Variants in SNTG2 observed in about 807,000 individuals in gnomAD.
SNTG2 encodes gamma-2-syntrophin.
Under a neutral mutation model 70.9 loss-of-function variants are expected in SNTG2, and 74 were observed. The observed-to-expected ratio is 1.04, with a 90% confidence interval of 0.86 to 1.27. The LOEUF (loss-of-function observed/expected upper bound fraction) is 1.27. Ranked by LOEUF, SNTG2 falls within the 50% of genes most tolerant of loss-of-function variation. The pLI, the probability that SNTG2 is intolerant of heterozygous loss-of-function variation, is 0.00. For synonymous variants in SNTG2, 278 were observed against 273.8 expected (o/e 1.02, Z -0.15); for missense variants, 717 against 690.7 (o/e 1.04, Z -0.43).
intron 2 of SNTG2, among the ~76,000 whole-genome samples, chr2:1,084,254 G>A (rs1185519013): frequency 6.6e-6 from 1 of 152,098 alleles, no homozygotes; most frequent in Non-Finnish European, 1.5e-5. Context: ...AATGAAGGGG[G>A]CATTTCCCCC....
At chr2:1,152,041 A>G (rs1349361295) in intron 6 of SNTG2, among the ~76,000 whole-genome samples, 2 of 152,220 alleles carry the variant, frequency 1.3e-5, no homozygotes, top group Non-Finnish European at 2.9e-5. Context: ...TTTGCTAACC[A>G]CATAATAGAA....
chr2:1,297,697 A>G (rs1415431409), intron 14 of SNTG2, among the ~76,000 whole-genome samples: 1 of 152,208 alleles, frequency 6.6e-6, no homozygotes, highest in African/African-American at 2.4e-5. Flanking sequence ...GGAAGCATCA[A>G]GTGACAGGAA....
chr2:1,198,449 GACAC>G (rs1673065178), intron 8 of SNTG2, among the ~76,000 whole-genome samples: 2 of 151,018 alleles, frequency 1.3e-5, no homozygotes, highest in Non-Finnish European at 3.0e-5. Context: ...ACAAATAAGA[GACAC>G]ACATCGAAAA....
chr2:1,164,066 C>G lies in SNTG2; in HGVS notation c.412-1482C>G, dbSNP rs544880073. ...GACTGAAGAAATGAGGAGGAAAGAT[C>G]AGAGGGAGCGATGAAGTGGGGCAGG... On this transcript the variant is annotated intron_variant, in intron 6 of 16. Coordinates refer to ENST00000308624, the MANE Select transcript of SNTG2 (RefSeq NM_018968.4). 9.2e-5 allele frequency among the ~76,000 whole-genome samples: 14 copies of G among 152,266 alleles called. No homozygotes were observed. In the South Asian group the frequency reaches 2.7e-3, roughly 29 times the overall value.
At chr2:1,234,822 G>A (rs1032715737) in intron 9 of SNTG2, among the ~76,000 whole-genome samples, 3 of 152,262 alleles carry the variant, frequency 2.0e-5, no homozygotes, top group African/African-American at 4.8e-5. Context: ...CATCAATGAT[G>A]GTGTAAACCT....
At chr2:1,253,965 G>C (rs1021473674) in intron 12 of SNTG2, among the ~76,000 whole-genome samples, 1 of 152,076 alleles carries the variant, frequency 6.6e-6, no homozygotes, top group African/African-American at 2.4e-5. Context: ...GGGAGAAGAT[G>C]CCACACACTT....
At chr2:1,255,056 G>A (rs1021551511) in intron 12 of SNTG2, among the ~76,000 whole-genome samples, 3 of 152,226 alleles carry the variant, frequency 2.0e-5, no homozygotes, top group Non-Finnish European at 2.9e-5. Flanking sequence ...TAAGAGGTGC[G>A]GTCCTGGAAA....
chr2:1,319,424 A>G (rs1238833450), intron 16 of SNTG2, among the ~76,000 whole-genome samples: 1 of 152,188 alleles, frequency 6.6e-6, no homozygotes, highest in Non-Finnish European at 1.5e-5. Flanking sequence ...GGGCACATAA[A>G]TATGTCCCAA....
At chr2:957,619 C>T (rs565540170) in intron 1 of SNTG2, among the ~76,000 whole-genome samples, 9 of 152,042 alleles carry the variant, frequency 5.9e-5, no homozygotes, top group East Asian at 1.9e-4. Flanking sequence ...CAAGCAGACA[C>T]GAAACAGCAC....
intron 15 of SNTG2, among the ~76,000 whole-genome samples, chr2:1,315,966 G>T (rs1472912462): frequency 1.3e-5 from 2 of 152,158 alleles, no homozygotes; most frequent in African/African-American, 2.4e-5. Flanking sequence ...GACCAGAGGG[G>T]TCGACTGCAG....
intron 8 of SNTG2, among the ~76,000 whole-genome samples, chr2:1,199,845 A>G (rs941692512): frequency 2.6e-5 from 4 of 152,088 alleles, no homozygotes; most frequent in African/African-American, 9.6e-5. Flanking sequence ...ACTACAAAAC[A>G]TTGTTGAAAG....
intron 9 of SNTG2, among the ~76,000 whole-genome samples, chr2:1,220,839 G>A (rs1012501308): frequency 3.9e-5 from 6 of 152,290 alleles, no homozygotes; most frequent in Admixed American, 2.6e-4. Context: ...GGTGTCTTCC[G>A]TGGTGCCCAG....
intron 1 of SNTG2, among the ~76,000 whole-genome samples, chr2:1,074,207 C>A (rs1358150844): frequency 6.6e-6 from 1 of 152,198 alleles, no homozygotes; most frequent in Non-Finnish European, 1.5e-5. Flanking sequence ...CATGTGTGAC[C>A]CTCGTCTGCC....
chr2:956,268 C>CG (rs1392284562), intron 1 of SNTG2, among the ~76,000 whole-genome samples: 1 of 145,906 alleles, frequency 6.9e-6, no homozygotes, highest in Non-Finnish European at 1.5e-5. Context: ...CCTCCCCCTG[C>CG]CCTGCCCCTG....
At chr2:1,165,955 T>A (rs77512713) in intron 7 of SNTG2, among the ~76,000 whole-genome samples, 5,176 of 152,196 alleles carry the variant, frequency 0.034, 293 homozygotes, top group African/African-American at 0.12. Flanking sequence ...AGAAGCAAAG[T>A]TTACACGTAA....
intron 12 of SNTG2, among the ~76,000 whole-genome samples, chr2:1,255,074 AAACT>A (rs1379767839): frequency 6.6e-6 from 1 of 152,174 alleles, no homozygotes; most frequent in African/African-American, 2.4e-5. Flanking sequence ...AAAATCGTGT[AAACT>A]AAGCCATGAT....
At chr2:1,120,330 TTATC>T (rs574340764) in intron 4 of SNTG2, among the ~76,000 whole-genome samples, 165 of 152,298 alleles carry the variant, frequency 1.1e-3, no homozygotes, top group Middle Eastern at 6.8e-3. Flanking sequence ...TGGTCATTCC[TTATC>T]TATCAATCAC....
chr2:1,286,836 G>A (rs751203931), intron 14 of SNTG2, among the ~76,000 whole-genome samples: 3 of 152,172 alleles, frequency 2.0e-5, no homozygotes, highest in Non-Finnish European at 4.4e-5. Flanking sequence ...CAATCCAATC[G>A]AATTGACACT....
intron 4 of SNTG2, among the ~76,000 whole-genome samples, chr2:1,113,365 T>TA (rs1359858962): frequency 7.9e-5 from 12 of 151,938 alleles, no homozygotes; most frequent in African/African-American, 2.9e-4. Context: ...GTTTAACCCT[T>TA]ACAGTGTTTT....
Sources: allele counts gnomAD v4.1 joint callset (sites outside exome capture counted in the v4.1 genomes callset), GRCh38; gene constraint gnomAD v4.1.1; transcripts MANE v1.5; gene names NCBI Gene and HGNC (gene_info 2026-07-23, HGNC 2026-07-21).